The following PRDX5 variants were observed in gnomAD, a reference collection of about 807,000 sequenced individuals.
PRDX5 encodes the protein peroxiredoxin-5, mitochondrial.
A neutral mutation model predicts 23.8 loss-of-function variants in PRDX5; 21 were observed. That is an observed-to-expected ratio of 0.88 (90% CI 0.63 to 1.27). PRDX5 has a LOEUF of 1.27. Ranked by LOEUF, PRDX5 falls within the 50% of genes most tolerant of loss-of-function variation. The pLI is 0.00. For missense variants in PRDX5, 261 were observed against 270.6 expected (o/e 0.96, Z 0.25); for synonymous variants, 111 against 113.3 (o/e 0.98, Z 0.13).
chr11:64,320,703 G>A lies in PRDX5; in HGVS notation c.349G>A (p.Ala117Thr), dbSNP rs149933352. The change falls in exon 3 of 6, where the codon GCC becomes ACC. Residue 117 changes from alanine to threonine, a missense_variant. Physicochemically the swap from Ala to Thr is moderately conservative, Grantham distance 58 (BLOSUM62 0). Transcript: ENST00000265462. ...TGTGGAGCAGGCTGAGGCTCTGAAG[G>A]CCAAGGGAGTCCAGGTGGTGGCCTG... ...GFVEQAEALK[A>T]KGVQVVACLS... is the part of the protein sequence containing the mutation. 1.2e-6 allele frequency: 2 copies of A among 1,613,250 alleles called. No individual in the cohort carries two copies. The highest frequency in any genetic ancestry group is 1.7e-6 in the Non-Finnish European group (2 of 1,179,312).
chr11:64,318,479 T>A, intron 1 of PRDX5, 93 bp downstream of exon 1: 1 of 1,458,868 alleles, frequency 6.9e-7, no homozygotes, highest in South Asian at 1.2e-5. Context: ...ATTTCCTGCC[T>A]GCCAGACCCC....
chr11:64,318,453 CTG>C lies in PRDX5; in HGVS notation c.171+68_171+69del, dbSNP rs2135273362. The C allele has an allele frequency of 2.0e-6, 3 of 1,528,268 alleles. No homozygotes were observed. In the South Asian group the frequency reaches 3.6e-5, roughly 18 times the overall value. 94.7% of individuals were successfully genotyped at this position (1,528,268 alleles called of 1,614,324 possible). On this transcript the variant is annotated intron_variant, in intron 1 of 5. Transcript: ENST00000265462. ...CCATGGCAATCCCCGTCCCGCTAGT[CTG>C]AGAGTATCGCTTTATTTCCTGCCTG...
rs777214046 is a variant in PRDX5, at chr11:64,318,170, G to C, written c.-46G>C. 6.2e-7 allele frequency: 1 copy of C among 1,607,582 alleles called. No homozygotes were observed. On this transcript the variant is annotated 5_prime_UTR_variant, in exon 1 of 6. Transcript: ENST00000265462. ...CCGCTAGCGGTGCCCCGCCTGCTGC[G>C]GTGGCACCAGCCAGGAGGCGGAGTG...
chr11:64,320,740 A>T lies in PRDX5; in HGVS notation c.386A>T (p.Asn129Ile), dbSNP rs1272265506. 12 of 1,613,986 alleles carry T rather than the reference A, an allele frequency of 7.4e-6. No individual in the cohort carries two copies. The highest frequency in any genetic ancestry group is 9.3e-6 in the Non-Finnish European group (11 of 1,179,962). The change falls in exon 3 of 6, where the codon AAT (asparagine) becomes ATT (isoleucine). Residue 129 changes from asparagine (N) to isoleucine (I), a missense_variant. By Grantham distance (149) the Asn-to-Ile change is moderately radical. Coordinates refer to ENST00000265462, the MANE Select transcript of PRDX5 (RefSeq NM_012094.5). Reference sequence around the variant, plus strand: ...CAGGTGGTGGCCTGTCTGAGTGTTAATGATGCCTTTGTGACTGGCGAGTGG... The same window carrying T: ...CAGGTGGTGGCCTGTCTGAGTGTTATTGATGCCTTTGTGACTGGCGAGTGG... ...GVQVVACLSV[N>I]DAFVTGEWGR... is the part of the protein sequence containing the mutation.
At chr11:64,318,868 C>T (rs528947376) in intron 1 of PRDX5, among the ~76,000 whole-genome samples, 1 of 143,306 alleles carries the variant, frequency 7.0e-6, no homozygotes, top group African/African-American at 2.6e-5. Context: ...CTCGGCTTCC[C>T]GAAGTGCTAG....
rs1411456786 is a variant in PRDX5 at position 64,321,811 on chromosome 11, A to G, written c.*120A>G. The stretch of plus-strand genomic sequence containing the variant: ...CAATAAACACTTGTGGTTTGCGGCC[A>G]TCTCCTTGGTTATGAATGGCTGTTT... On this transcript the variant is annotated 3_prime_UTR_variant, in exon 6 of 6. Transcript: ENST00000265462. The G allele has an allele frequency of 4.6e-6, 6 of 1,293,446 alleles. No homozygotes were observed. The highest frequency in any genetic ancestry group is 5.2e-6 in the Non-Finnish European group (5 of 958,590). 80.1% of individuals were successfully genotyped at this position (1,293,446 alleles called of 1,614,324 possible). A position where few individuals can be genotyped will look rare whatever the true frequency, so the allele number is the denominator to read the frequency against.
intron 5 of PRDX5, 139 bp downstream of exon 5, chr11:64,321,207 GGGGAGAGTCCTGTGT>G: frequency 1.9e-6 from 2 of 1,052,922 alleles, no homozygotes; most frequent in East Asian, 2.4e-5. Flanking sequence ...AGTCGTCTGT[GGGGAGAGTCCTGTGT>G]GGGGAGAGTC....
Position 64,320,727 on chromosome 11 carries a change from T to A in PRDX5, c.373T>A (p.Cys125Ser). 1 of 1,613,802 alleles carries A rather than the reference T, an allele frequency of 6.2e-7. No homozygotes were observed. Among genetic ancestry groups the A allele is most frequent in the South Asian group, 1.1e-5 (1 of 91,076 alleles). ...GGCCAAGGGAGTCCAGGTGGTGGCC[T>A]GTCTGAGTGTTAATGATGCCTTTGT... ...LKAKGVQVVA[C>S]LSVNDAFVTG... The change falls in exon 3 of 6, where the codon TGT (cysteine) becomes AGT (serine). Residue 125 changes from cysteine (C) to serine (S), a missense_variant. By Grantham distance (112) the Cys-to-Ser change is moderately radical. Coordinates refer to ENST00000265462, the MANE Select transcript of PRDX5 (RefSeq NM_012094.5).
At chr11:64,320,425 C>CA (rs2035463285) in intron 2 of PRDX5, among the ~76,000 whole-genome samples, 2 of 152,208 alleles carry the variant, frequency 1.3e-5, no homozygotes, top group Admixed American at 1.3e-4. Context: ...GCTTGGGACT[C>CA]AGATAAATAA....
rs1435061829 is a variant in PRDX5, at chr11:64,321,718, C to G, written c.*27C>G. The G allele has an allele frequency of 2.6e-6, 4 of 1,544,592 alleles. No homozygotes were observed. In the Admixed American group the frequency reaches 7.9e-5, roughly 30 times the overall value. Reference sequence around the variant, plus strand: ...GCCCTGGGCCAGATTACTTCCTCCACCCCTCCCTATCTCACCTGCCCAGCC... The same window carrying G: ...GCCCTGGGCCAGATTACTTCCTCCAGCCCTCCCTATCTCACCTGCCCAGCC... On this transcript the variant is annotated 3_prime_UTR_variant, in exon 6 of 6. Coordinates refer to ENST00000265462, the MANE Select transcript of PRDX5 (RefSeq NM_012094.5).
chr11:64,318,469 A>G, intron 1 of PRDX5, 83 bp downstream of exon 1: 1 of 1,486,664 alleles, frequency 6.7e-7, no homozygotes, highest in Non-Finnish European at 9.0e-7. Flanking sequence ...GTATCGCTTT[A>G]TTTCCTGCCT....
intron 5 of PRDX5, among the ~76,000 whole-genome samples, 197 bp downstream of exon 5, chr11:64,321,265 C>A (rs1004474345): frequency 7.3e-6 from 1 of 136,770 alleles, no homozygotes; most frequent in Non-Finnish European, 1.5e-5. Flanking sequence ...GGGGGAGAGT[C>A]CTGTGTGGGG....
intron 2 of PRDX5, 36 bp downstream of exon 2, chr11:64,319,904 G>C (rs1482000491): frequency 3.1e-6 from 5 of 1,609,168 alleles, no homozygotes; most frequent in Non-Finnish European, 2.5e-6. Context: ...CAGGACCTGG[G>C]ATCTTTTGTG....
At position 64,320,762 on chromosome 11, in the gene PRDX5, G is replaced by C; in HGVS notation, c.408G>C (p.Glu136Asp). Residue 136 changes from glutamate to aspartate, a missense_variant, in exon 3 of 6, where the codon GAG (glutamate) becomes GAC (aspartate). Glu to Asp is a conservative substitution (Grantham distance 45). Transcript: ENST00000265462. ...LSVNDAFVTG[E>D]WGRAHKAEGK... Reference sequence around the variant, plus strand: ...TTAATGATGCCTTTGTGACTGGCGAGTGGGGCCGAGCCCACAAGGCGGAAG... The same window carrying C: ...TTAATGATGCCTTTGTGACTGGCGACTGGGGCCGAGCCCACAAGGCGGAAG... 6.2e-7 allele frequency: 1 copy of C among 1,614,168 alleles called. No homozygotes were observed. The highest frequency in any genetic ancestry group is 8.5e-7 in the Non-Finnish European group (1 of 1,180,000).
At position 64,320,783 on chromosome 11, in the gene PRDX5, G is replaced by A. The variant is rs773291450; in HGVS notation, c.429G>A (p.Ala143=). Reference sequence around the variant, plus strand: ...GCGAGTGGGGCCGAGCCCACAAGGCGGAAGGCAAGGTGAGGTGAGGGGCCT... The same window carrying A: ...GCGAGTGGGGCCGAGCCCACAAGGCAGAAGGCAAGGTGAGGTGAGGGGCCT... ...VTGEWGRAHK[A]EGKVRLLADP... is the part of the protein sequence containing the mutation. Residue 143 remains alanine, a synonymous_variant, in exon 3 of 6, where the codon GCG becomes GCA. Coordinates refer to ENST00000265462, the MANE Select transcript of PRDX5 (RefSeq NM_012094.5). 62 of 1,614,066 alleles carry A rather than the reference G, an allele frequency of 3.8e-5. No homozygotes were observed. Among genetic ancestry groups the A allele is most frequent in the African/African-American group, 6.7e-5 (5 of 74,938 alleles).
chr11:64,320,533 G>T, intron 2 of PRDX5, 128 bp from the exon 3 acceptor site: 1 of 1,375,688 alleles, frequency 7.3e-7, no homozygotes. Flanking sequence ...AAATAGAATG[G>T]TTTAGACAGC....
intron 1 of PRDX5, among the ~76,000 whole-genome samples, chr11:64,319,204 G>A (rs2035419168): frequency 6.6e-6 from 1 of 151,968 alleles, no homozygotes; most frequent in Non-Finnish European, 1.5e-5. Flanking sequence ...GTACTCTGGG[G>A]ATGGATCCTT....
chr11:64,321,522 C>A, intron 5 of PRDX5, 64 bp from the exon 6 acceptor site: 1 of 1,581,734 alleles, frequency 6.3e-7, no homozygotes, highest in South Asian at 1.2e-5. Context: ...TGTTCACTGC[C>A]TGTCTCCATG....
chr11:64,319,794 C>T lies in PRDX5; in HGVS notation c.232C>T (p.Leu78=). The change falls in exon 2 of 6, where the codon CTG becomes TTG. Residue 78 remains leucine (L), a synonymous_variant. Coordinates refer to ENST00000265462, the MANE Select transcript of PRDX5 (RefSeq NM_012094.5). ...FEGEPGNKVN[L]AELFKGKKGV... is the part of the protein sequence containing the mutation. ...AGGGGAGCCAGGGAACAAGGTGAAC[C>T]TGGCAGAGCTGTTCAAGGGCAAGAA... 1 of 1,614,150 alleles carries T rather than the reference C, an allele frequency of 6.2e-7. No individual in the cohort carries two copies. Among genetic ancestry groups the T allele is most frequent in the Non-Finnish European group, 8.5e-7 (1 of 1,179,986 alleles).
Sources: gnomAD v4.1 joint callset for allele counts (sites outside exome capture counted in the v4.1 genomes callset) on GRCh38, gnomAD v4.1.1 for gene constraint, MANE v1.5 for transcripts, NCBI Gene and HGNC (gene_info 2026-07-23, HGNC 2026-07-21) for gene names.